Variants in ZNF804B observed in about 807,000 individuals in gnomAD.
ZNF804B encodes the protein zinc finger 804B.
ZNF804B carries 80 observed loss-of-function variants against 101.4 expected under a neutral mutation model. That is an observed-to-expected ratio of 0.79 (90% CI 0.66 to 0.95). The LOEUF (loss-of-function observed/expected upper bound fraction) is 0.95. ZNF804B is among the 40% of genes least tolerant of loss of function. The probability of loss-of-function intolerance (pLI) is 0.00; values close to 1 mark genes in which losing one functional copy is unlikely to be tolerated. For missense variants in ZNF804B, 1,673 were observed against 1,561.9 expected (o/e 1.07, Z -1.20); for synonymous variants, 622 against 558.8 (o/e 1.11, Z -1.59).
At chr7:88,959,980 T>A (rs1240510042) in intron 1 of ZNF804B, among the ~76,000 whole-genome samples, 4 of 151,400 alleles carry the variant, frequency 2.6e-5, no homozygotes, top group Non-Finnish European at 5.9e-5. Flanking sequence ...ACACAAAAAT[T>A]AGCTTGCACT....
intron 2 of ZNF804B, among the ~76,000 whole-genome samples, chr7:89,236,337 G>A (rs539456209): frequency 2.6e-5 from 4 of 152,022 alleles, no homozygotes; most frequent in African/African-American, 4.8e-5. Context: ...GAAGAGGAGA[G>A]CATGTAAGAT....
At chr7:89,162,665 T>C (rs1791084611) in intron 1 of ZNF804B, among the ~76,000 whole-genome samples, 1 of 150,444 alleles carries the variant, frequency 6.6e-6, no homozygotes, top group African/African-American at 2.4e-5. Flanking sequence ...ATTATTATTA[T>C]TATTATACTT....
intron 1 of ZNF804B, among the ~76,000 whole-genome samples, chr7:88,777,581 G>A (rs879682513): frequency 6.6e-6 from 1 of 152,070 alleles, no homozygotes. Context: ...AGTGGCTCAC[G>A]CCTGTAATAC....
At chr7:89,097,996 A>C (rs2116334152) in intron 1 of ZNF804B, among the ~76,000 whole-genome samples, 1 of 152,332 alleles carries the variant, frequency 6.6e-6, no homozygotes, top group Non-Finnish European at 1.5e-5. Flanking sequence ...AAGCTATATA[A>C]TAACATAATA....
intron 1 of ZNF804B, among the ~76,000 whole-genome samples, chr7:89,037,982 A>C (rs1293222755): frequency 6.6e-6 from 1 of 152,140 alleles, no homozygotes; most frequent in Non-Finnish European, 1.5e-5. Context: ...CAAATGGCTG[A>C]ATTTTCTTCT....
intron 1 of ZNF804B, among the ~76,000 whole-genome samples, chr7:88,858,953 A>G (rs1791610599): frequency 1.3e-5 from 2 of 152,140 alleles, no homozygotes; most frequent in Non-Finnish European, 2.9e-5. Flanking sequence ...ATGGAAGATT[A>G]TTAATGAGGA....
At chr7:89,019,213 A>G (rs996078282) in intron 1 of ZNF804B, among the ~76,000 whole-genome samples, 2 of 151,954 alleles carry the variant, frequency 1.3e-5, no homozygotes, top group African/African-American at 4.8e-5. Context: ...AATTTTTTAA[A>G]TTTCCTTCTC....
intron 1 of ZNF804B, among the ~76,000 whole-genome samples, chr7:89,057,253 T>G (rs1266239496): frequency 6.6e-6 from 1 of 152,104 alleles, no homozygotes; most frequent in Admixed American, 6.6e-5. Context: ...AAATGGTCAG[T>G]AACCAATGCT....
In ZNF804B at chr7:89,335,979, G is replaced by A. The variant is rs78512598; in HGVS notation, c.2997G>A (p.Arg999=). Residue 999 remains arginine (R), a synonymous_variant, in exon 4 of 4, where the codon AGG becomes AGA. Transcript: ENST00000333190. ...ATGATCAAGACAGTGCAATTCCAAG[G>A]ACTACGGAGAAAGACAAAAGCAAAA... ...SRNDQDSAIP[R]TTEKDKSKSS... is the part of the protein sequence containing the mutation. The A allele has an allele frequency of 1.2e-6, 2 of 1,613,914 alleles. No individual in the cohort carries two copies. The highest frequency in any genetic ancestry group is 1.3e-5 in the African/African-American group (1 of 75,004).
At chr7:89,261,293 T>C (rs1206558139) in intron 2 of ZNF804B, among the ~76,000 whole-genome samples, 2 of 152,148 alleles carry the variant, frequency 1.3e-5, no homozygotes, top group African/African-American at 4.8e-5. Flanking sequence ...ATATTTTTAG[T>C]GGTAAATGAT....
Position 88,936,133 on chromosome 7 carries a change from G to A in ZNF804B, c.108+176049G>A, listed in dbSNP as rs374338419. Among the ~76,000 whole-genome samples the A allele has an allele frequency of 3.5e-5, 5 of 143,632 alleles. No homozygotes were observed. In the East Asian group the frequency reaches 1.0e-3, roughly 30 times the overall value. The allele number at this position is 143,632 out of a possible 152,430, so 94.2% of individuals were successfully genotyped here. Reference sequence around the variant, plus strand: ...TTTTTAAAAAAAATAACATATGCCTGTGGTCCTAGAATACTATTGCTGAAA... The same window carrying A: ...TTTTTAAAAAAAATAACATATGCCTATGGTCCTAGAATACTATTGCTGAAA... On this transcript the variant is annotated intron_variant, in intron 1 of 3. Transcript: ENST00000333190.
chr7:88,793,281 A>C lies in ZNF804B; in HGVS notation c.108+33197A>C, dbSNP rs78191874. ...GGTCACATAGAAATTATATATAATT[A>C]GTTGCTTTCTAGAAAGTGAATTGAG... On this transcript the variant is annotated intron_variant, in intron 1 of 3. Coordinates refer to ENST00000333190, the MANE Select transcript of ZNF804B (RefSeq NM_181646.5). Among the ~76,000 whole-genome samples the C allele has an allele frequency of 5.0e-3, 761 of 152,258 alleles. 7 individuals carry two copies. The highest frequency in any genetic ancestry group is 0.017 in the Middle Eastern group (5 of 294).
At chr7:89,153,408 A>G (rs1021447712) in intron 1 of ZNF804B, among the ~76,000 whole-genome samples, 25 of 142,024 alleles carry the variant, frequency 1.8e-4, no homozygotes, top group African/African-American at 6.3e-4. Context: ...CTTTAACACT[A>G]CTACTAATGA....
intron 1 of ZNF804B, among the ~76,000 whole-genome samples, chr7:88,854,414 C>CTTTCTTTCTTT (rs1791502231): frequency 3.5e-5 from 2 of 57,074 alleles, no homozygotes; most frequent in South Asian, 7.2e-4. Flanking sequence ...TTTCTTTCTT[C>CTTTCTTTCTTT]CTTTCTTTCT....
chr7:88,781,048 C>G (rs558342890), intron 1 of ZNF804B, among the ~76,000 whole-genome samples: 2 of 152,176 alleles, frequency 1.3e-5, no homozygotes, highest in South Asian at 4.1e-4. Context: ...TTGTTAGAAA[C>G]ACATAATGGA....
intron 1 of ZNF804B, among the ~76,000 whole-genome samples, chr7:88,839,892 C>T (rs1156853317): frequency 3.3e-5 from 5 of 152,046 alleles, no homozygotes; most frequent in Admixed American, 3.3e-4. Flanking sequence ...AATAAGCATT[C>T]AACATATAAT....
At chr7:89,320,051 G>A (rs887236994) in intron 2 of ZNF804B, among the ~76,000 whole-genome samples, 22 of 151,262 alleles carry the variant, frequency 1.5e-4, no homozygotes, top group African/African-American at 4.9e-4. Context: ...TCAGAAATGG[G>A]GTGGGGGGCT....
chr7:88,956,304 A>C (rs915306202), intron 1 of ZNF804B, among the ~76,000 whole-genome samples: 5 of 151,606 alleles, frequency 3.3e-5, no homozygotes, highest in Admixed American at 3.3e-4. Context: ...TTGCACCACT[A>C]TTAACAATTG....
chr7:89,246,689 C>T (rs1789452605), intron 2 of ZNF804B, among the ~76,000 whole-genome samples: 1 of 152,034 alleles, frequency 6.6e-6, no homozygotes. Context: ...CTCTGCTGCC[C>T]ACCCAGGCAG....
Sources: allele counts gnomAD v4.1 joint callset (sites outside exome capture counted in the v4.1 genomes callset), GRCh38; gene constraint gnomAD v4.1.1; transcripts MANE v1.5; gene names NCBI Gene and HGNC (gene_info 2026-07-23, HGNC 2026-07-21).